RAPGEF6: variants seen among roughly 807,000 people sequenced by gnomAD.
RAPGEF6 encodes the protein Rap guanine nucleotide exchange factor 6, also known as PDZ domain containing guanine nucleotide exchange factor (GEF) 2.
Under a neutral mutation model 171.4 loss-of-function variants are expected in RAPGEF6, and 56 were observed. The observed-to-expected ratio is 0.33, with a 90% CI of 0.26 to 0.41. RAPGEF6 has a LOEUF of 0.41. Ranked by LOEUF, RAPGEF6 falls within the 10% of genes least tolerant of loss-of-function variation. The pLI is 1.00. For synonymous variants in RAPGEF6, 692 were observed against 650.1 expected (o/e 1.06, Z -0.98); for missense variants, 1,674 against 1,921.4 (o/e 0.87, Z 2.41).
rs187068566 is a variant in RAPGEF6 at position 131,570,667 on chromosome 5, C to T, written c.282-8620G>A. Among the ~76,000 whole-genome samples, 21 of 152,062 alleles carry T rather than the reference C, an allele frequency of 1.4e-4. No homozygotes were observed. The East Asian group carries it at 2.7e-3, about 20-fold the overall frequency. On this transcript the variant is annotated intron_variant, in intron 4 of 27. Transcript: ENST00000509018. Reference sequence around the variant, plus strand: ...ATGGGTGAGCTATAAAAACATTATGCTAAATGAAAAAAACTAGATTAAAAA... The same window carrying T: ...ATGGGTGAGCTATAAAAACATTATGTTAAATGAAAAAAACTAGATTAAAAA...
chr5:131,615,089 C>G (rs1187602592), intron 1 of RAPGEF6, among the ~76,000 whole-genome samples: 1 of 152,202 alleles, frequency 6.6e-6, no homozygotes. Context: ...ACAGGTGATT[C>G]TTCTGCACAC....
intron 8 of RAPGEF6, among the ~76,000 whole-genome samples, chr5:131,508,927 G>GA (rs1757536086): frequency 6.6e-6 from 1 of 152,116 alleles, no homozygotes; most frequent in South Asian, 2.1e-4. Context: ...TTTCTGTCGA[G>GA]ATAACGTTCA....
chr5:131,460,221 C>T (rs1753820165), intron 19 of RAPGEF6, among the ~76,000 whole-genome samples: 1 of 152,176 alleles, frequency 6.6e-6, no homozygotes, highest in Non-Finnish European at 1.5e-5. Flanking sequence ...CTTTGGGCTA[C>T]TGTCCATCAC....
At chr5:131,559,617 G>A (rs1462312665) in intron 5 of RAPGEF6, among the ~76,000 whole-genome samples, 5 of 152,030 alleles carry the variant, frequency 3.3e-5, no homozygotes, top group Admixed American at 2.6e-4. Flanking sequence ...GAGGTCAAGA[G>A]TTCGAGATCA....
chr5:131,593,483 G>T (rs755102980), intron 3 of RAPGEF6, among the ~76,000 whole-genome samples: 1 of 152,222 alleles, frequency 6.6e-6, no homozygotes, highest in African/African-American at 2.4e-5. Context: ...TTTGGAACTG[G>T]GTAACGGGCA....
intron 6 of RAPGEF6, among the ~76,000 whole-genome samples, chr5:131,535,495 T>C (rs1392884262): frequency 6.6e-6 from 1 of 152,162 alleles, no homozygotes; most frequent in Non-Finnish European, 1.5e-5. Flanking sequence ...AAGGAGAATG[T>C]CCTGATCTAC....
At chr5:131,632,628 T>A (rs775806215) in intron 1 of RAPGEF6, among the ~76,000 whole-genome samples, 21 of 152,220 alleles carry the variant, frequency 1.4e-4, no homozygotes, top group Non-Finnish European at 2.4e-4. Context: ...TACAACATAG[T>A]GCACAGACTA....
chr5:131,546,546 G>A (rs1362617778), intron 6 of RAPGEF6, among the ~76,000 whole-genome samples: 3 of 151,832 alleles, frequency 2.0e-5, no homozygotes, highest in African/African-American at 7.3e-5. Flanking sequence ...AGAGGTTGCA[G>A]TAAGCTGAGA....
intron 24 of RAPGEF6, among the ~76,000 whole-genome samples, chr5:131,434,701 T>C (rs1025847350): frequency 6.6e-6 from 1 of 152,240 alleles, no homozygotes. Context: ...TTCTGTGACT[T>C]ACTGCACAGC....
chr5:131,623,338 C>T (rs1342859320), intron 1 of RAPGEF6, among the ~76,000 whole-genome samples: 1 of 152,176 alleles, frequency 6.6e-6, no homozygotes, highest in Non-Finnish European at 1.5e-5. Context: ...GGCAACTCTA[C>T]TTTATTCTTA....
At chr5:131,584,286 GAA>G (rs920551648) in intron 4 of RAPGEF6, among the ~76,000 whole-genome samples, 36 of 152,202 alleles carry the variant, frequency 2.4e-4, no homozygotes, top group Non-Finnish European at 4.9e-4. Context: ...CCTGGATGTA[GAA>G]AGATTCTTAT....
At position 131,442,330 on chromosome 5, in the gene RAPGEF6, A is replaced by T. The variant is rs777309622; in HGVS notation, c.3610+19T>A. The T allele has an allele frequency of 1.3e-6, 2 of 1,585,284 alleles. No individual in the cohort carries two copies. The highest frequency in any genetic ancestry group is 2.3e-5 in the South Asian group (2 of 86,964). On this transcript the variant is annotated intron_variant, in intron 23 of 27. Coordinates refer to ENST00000509018, the MANE Select transcript of RAPGEF6 (RefSeq NM_016340.6). ...GAAATTTCAGGTAAACGGATGTAAT[A>T]TTAATGGTGAATACTCACTCAGTGC... is the stretch of plus-strand genomic sequence containing the variant.
intron 9 of RAPGEF6, among the ~76,000 whole-genome samples, 171 bp from the exon 10 acceptor site, chr5:131,505,693 T>C (rs1208764653): frequency 1.3e-5 from 2 of 152,220 alleles, no homozygotes; most frequent in Non-Finnish European, 2.9e-5. Context: ...TGCAAACTAC[T>C]AAAGTTTATT....
At chr5:131,615,844 T>C (rs948915622) in intron 1 of RAPGEF6, among the ~76,000 whole-genome samples, 1 of 151,520 alleles carries the variant, frequency 6.6e-6, no homozygotes, top group African/African-American at 2.4e-5. Context: ...GAGGCTGCAG[T>C]GAGCGGAGAT....
chr5:131,504,487 G>A, intron 11 of RAPGEF6, 139 bp downstream of exon 11: 1 of 919,236 alleles, frequency 1.1e-6, no homozygotes. Context: ...TTTAGAGAAA[G>A]ACAAAGAGTC....
At chr5:131,560,615 TC>T (rs1761536580) in intron 5 of RAPGEF6, among the ~76,000 whole-genome samples, 1 of 152,160 alleles carries the variant, frequency 6.6e-6, no homozygotes, top group Non-Finnish European at 1.5e-5. Flanking sequence ...CTAATAGGAA[TC>T]CCATATATTC....
chr5:131,509,042 T>A (rs912650415), intron 8 of RAPGEF6, among the ~76,000 whole-genome samples: 2 of 152,150 alleles, frequency 1.3e-5, no homozygotes, highest in African/African-American at 4.8e-5. Context: ...TTTTTAATAG[T>A]AGCAGCATCT....
chr5:131,624,642 C>T (rs949605633), intron 1 of RAPGEF6, among the ~76,000 whole-genome samples: 1 of 152,006 alleles, frequency 6.6e-6, no homozygotes, highest in Non-Finnish European at 1.5e-5. Flanking sequence ...AACAAACAAA[C>T]AAACAAAAAC....
At chr5:131,430,603 A>C (rs1460956129) in intron 26 of RAPGEF6, 17 of 586,784 alleles carry the variant, frequency 2.9e-5, no homozygotes, top group Non-Finnish European at 5.0e-5. Context: ...AGAACTTAAA[A>C]ACAAAAGACA....
Sources: allele counts gnomAD v4.1 joint callset (sites outside exome capture counted in the v4.1 genomes callset), GRCh38; gene constraint gnomAD v4.1.1; transcripts MANE v1.5; gene names NCBI Gene and HGNC (gene_info 2026-07-23, HGNC 2026-07-21).